ARSB: variants seen among roughly 807,000 people sequenced by gnomAD.
ARSB encodes the protein arylsulfatase B.
A neutral mutation model predicts 50.9 loss-of-function variants in ARSB; 41 were observed. The ratio of observed to expected loss-of-function variants is 0.81; its 90% CI spans 0.63 to 1.04. The LOEUF (loss-of-function observed/expected upper bound fraction) is 1.04, where lower values mean the gene tolerates loss of function less well. Among genes scored for constraint, ARSB ranks in the 50% least tolerant of loss-of-function variants. The pLI, the probability that ARSB is intolerant of heterozygous loss-of-function variation, is 0.00. For missense variants in ARSB, 672 were observed against 693.3 expected, an observed-to-expected ratio of 0.97 and a Z score of 0.35; for synonymous variants, 269 against 284.8, an observed-to-expected ratio of 0.94 and a Z score of 0.56.
At chr5:78,846,565 T>C (rs925486011) in intron 5 of ARSB, among the ~76,000 whole-genome samples, 1 of 152,208 alleles carries the variant, frequency 6.6e-6, no homozygotes, top group African/African-American at 2.4e-5. Flanking sequence ...GTTGCTGGCA[T>C]ATAGAAATGC....
At chr5:78,867,319 G>A (rs535864704) in intron 5 of ARSB, among the ~76,000 whole-genome samples, 1 of 151,676 alleles carries the variant, frequency 6.6e-6, no homozygotes, top group Non-Finnish European at 1.5e-5. Flanking sequence ...GCCCACCACA[G>A]CTCAAGGAGG....
chr5:78,830,288 C>T (rs567444190), intron 6 of ARSB, among the ~76,000 whole-genome samples: 9 of 152,266 alleles, frequency 5.9e-5, no homozygotes, highest in African/African-American at 1.7e-4. Context: ...CCACTAACCA[C>T]GTGGTGCTGT....
At chr5:78,984,823 C>T in intron 1 of ARSB, 114 bp downstream of exon 1, 3 of 838,972 alleles carry the variant, frequency 3.6e-6, no homozygotes, top group Non-Finnish European at 4.6e-6. Flanking sequence ...ATAACTGGGT[C>T]GGCGGTCCGA....
At chr5:78,901,743 C>T (rs189471475) in intron 4 of ARSB, among the ~76,000 whole-genome samples, 1 of 152,020 alleles carries the variant, frequency 6.6e-6, no homozygotes, top group Admixed American at 6.6e-5. Flanking sequence ...AGAAGATACA[C>T]AAAAATAGAT....
At chr5:78,895,505 A>G (rs1283653933) in intron 4 of ARSB, among the ~76,000 whole-genome samples, 1 of 152,222 alleles carries the variant, frequency 6.6e-6, no homozygotes, top group African/African-American at 2.4e-5. Flanking sequence ...AATCCTATTT[A>G]TCTACAGCAA....
intron 7 of ARSB, 112 bp downstream of exon 7, chr5:78,781,740 G>A (rs1748930734): frequency 6.8e-7 from 1 of 1,472,226 alleles, no homozygotes; most frequent in South Asian, 1.2e-5. Context: ...CCAGAGAAAT[G>A]GCCGTGGGAA....
chr5:78,907,017 G>C (rs996908085), intron 4 of ARSB, among the ~76,000 whole-genome samples: 2 of 151,612 alleles, frequency 1.3e-5, no homozygotes, highest in Non-Finnish European at 3.0e-5. Context: ...CATGGTCCCT[G>C]CTTTCGAGGG....
chr5:78,830,476 C>T (rs1005863024), intron 6 of ARSB, among the ~76,000 whole-genome samples: 2 of 152,136 alleles, frequency 1.3e-5, no homozygotes, highest in Non-Finnish European at 2.9e-5. Flanking sequence ...GCCATTTCTG[C>T]GTAGCCTAGG....
intron 6 of ARSB, among the ~76,000 whole-genome samples, chr5:78,827,463 G>A (rs1047296399): frequency 6.6e-6 from 1 of 152,084 alleles, no homozygotes; most frequent in Non-Finnish European, 1.5e-5. Flanking sequence ...CACCCACCTT[G>A]GCATCCCAAA....
At chr5:78,839,221 A>T (rs964109621) in intron 6 of ARSB, 135 bp downstream of exon 6, 3 of 796,194 alleles carry the variant, frequency 3.8e-6, no homozygotes, top group Non-Finnish European at 6.5e-6. Flanking sequence ...TGAGCGGGAG[A>T]TATGTCCCGA....
intron 6 of ARSB, among the ~76,000 whole-genome samples, chr5:78,787,259 T>C (rs181475343): frequency 4.1e-4 from 62 of 152,312 alleles, no homozygotes; most frequent in African/African-American, 1.4e-3. Context: ...CTATGTCTAT[T>C]CTTATGCCAG....
At chr5:78,866,639 C>T (rs1021806764) in intron 5 of ARSB, among the ~76,000 whole-genome samples, 9 of 152,146 alleles carry the variant, frequency 5.9e-5, no homozygotes, top group East Asian at 1.9e-4. Flanking sequence ...GTGTGCAGGA[C>T]GAGAGTGGCT....
chr5:78,905,629 A>G (rs1749025915), intron 4 of ARSB, among the ~76,000 whole-genome samples: 1 of 152,094 alleles, frequency 6.6e-6, no homozygotes, highest in Admixed American at 6.5e-5. Context: ...AGTGGTTCAC[A>G]TGGCAGTTGA....
chr5:78,778,826 C>G lies in ARSB; in HGVS notation c.*1571G>C, dbSNP rs148514393. The G allele has an allele frequency of 6.6e-6, 1 of 152,038 alleles. No individual in the cohort carries two copies. The highest frequency in any genetic ancestry group is 1.5e-5 in the Non-Finnish European group (1 of 68,012). The allele number at this position is 152,038 out of a possible 1,614,324, so 9.4% of individuals were successfully genotyped here. A position where few individuals can be genotyped will look rare whatever the true frequency, so the allele number is the denominator to read the frequency against. ...TTGCTGGAGCCCAGGAGTTTAAGACCAGCTGGGCAACATAGGGAACCTTGT... is the reference window on the plus strand; with the variant it reads ...TTGCTGGAGCCCAGGAGTTTAAGACGAGCTGGGCAACATAGGGAACCTTGT... On this transcript the variant is annotated 3_prime_UTR_variant, in exon 8 of 8. Coordinates refer to ENST00000264914, the MANE Select transcript of ARSB (RefSeq NM_000046.5).
At chr5:78,788,779 T>A (rs1034879482) in intron 6 of ARSB, among the ~76,000 whole-genome samples, 1 of 152,030 alleles carries the variant, frequency 6.6e-6, no homozygotes, top group Non-Finnish European at 1.5e-5. Context: ...TTTAAAAAAA[T>A]TAGAAAAAAA....
At chr5:78,893,151 C>T (rs1412434496) in intron 4 of ARSB, among the ~76,000 whole-genome samples, 1 of 152,186 alleles carries the variant, frequency 6.6e-6, no homozygotes, top group East Asian at 1.9e-4. Context: ...TCACCTGGCT[C>T]TCATTTTGCT....
upstream of ARSB, chr5:78,985,645 A>AT (rs1753156153): frequency 6.4e-6 from 1 of 156,616 alleles, no homozygotes; most frequent in African/African-American, 2.4e-5. Flanking sequence ...GCCTGCAACA[A>AT]CTCTGACAGT....
intron 5 of ARSB, among the ~76,000 whole-genome samples, chr5:78,870,658 C>A (rs1469799236): frequency 1.9e-4 from 28 of 149,950 alleles, no homozygotes; most frequent in African/African-American, 6.5e-4. Flanking sequence ...ATTGATGGGA[C>A]GTATTTCAAA....
intron 4 of ARSB, among the ~76,000 whole-genome samples, chr5:78,917,285 A>T (rs1306340903): frequency 6.6e-6 from 1 of 152,194 alleles, no homozygotes; most frequent in Non-Finnish European, 1.5e-5. Flanking sequence ...GTCAAGAAAA[A>T]CTTAAGCTAA....
Sources: gnomAD v4.1 joint callset for allele counts (sites outside exome capture counted in the v4.1 genomes callset) on GRCh38, gnomAD v4.1.1 for gene constraint, MANE v1.5 for transcripts, NCBI Gene and HGNC (gene_info 2026-07-23, HGNC 2026-07-21) for gene names.